Variants in NALCN observed in about 807,000 individuals in gnomAD.
NALCN encodes the protein sodium leak channel NALCN.
NALCN carries 111 observed loss-of-function variants against 225.3 expected under a neutral mutation model. The observed-to-expected ratio is 0.49, with a 90% CI of 0.42 to 0.58. NALCN has a LOEUF of 0.58. Ranked by LOEUF, NALCN falls within the 20% of genes least tolerant of loss-of-function variation. The probability of loss-of-function intolerance (pLI) is 0.00; values close to 1 mark genes in which losing one functional copy is unlikely to be tolerated. For synonymous variants in NALCN, 764 were observed against 769.0 expected (o/e 0.99, Z 0.11); for missense variants, 1,378 against 2,202.4 (o/e 0.63, Z 7.49).
intron 14 of NALCN, 70 bp downstream of exon 14, chr13:101,191,847 C>G: frequency 6.6e-7 from 1 of 1,514,030 alleles, no homozygotes; most frequent in Non-Finnish European, 8.9e-7. Flanking sequence ...TGACAATAGG[C>G]CAAATATCTG....
chr13:101,348,409 T>C (rs780077243), intron 6 of NALCN, among the ~76,000 whole-genome samples: 13 of 152,176 alleles, frequency 8.5e-5, no homozygotes, highest in Non-Finnish European at 1.9e-4. Context: ...CCTACTGTTA[T>C]TGACAGTTTG....
intron 3 of NALCN, among the ~76,000 whole-genome samples, chr13:101,383,403 T>C (rs945220153): frequency 6.6e-6 from 1 of 151,602 alleles, no homozygotes; most frequent in Non-Finnish European, 1.5e-5. Context: ...TGGAGTTACA[T>C]TAGAAAAAAA....
chr13:101,241,355 A>G (rs1047680649), intron 11 of NALCN, among the ~76,000 whole-genome samples: 1 of 152,178 alleles, frequency 6.6e-6, no homozygotes, highest in African/African-American at 2.4e-5. Context: ...TGTTTCTCAG[A>G]TTCTGGACGT....
At chr13:101,153,238 G>A (rs1039072699) in intron 15 of NALCN, among the ~76,000 whole-genome samples, 11 of 152,258 alleles carry the variant, frequency 7.2e-5, no homozygotes, top group African/African-American at 2.6e-4. Context: ...ACGTGTAAGT[G>A]AGATAGCAAT....
At chr13:101,337,152 A>T (rs1357005120) in intron 7 of NALCN, among the ~76,000 whole-genome samples, 1 of 152,138 alleles carries the variant, frequency 6.6e-6, no homozygotes, top group Non-Finnish European at 1.5e-5. Flanking sequence ...ACTAACATAT[A>T]TTATGCACCA....
intron 17 of NALCN, among the ~76,000 whole-genome samples, chr13:101,127,840 T>G (rs1048777356): frequency 6.6e-6 from 1 of 152,246 alleles, no homozygotes; most frequent in Non-Finnish European, 1.5e-5. Flanking sequence ...TATTCCCTTC[T>G]TTTTTCTTAC....
chr13:101,060,273 C>CTTTTT (rs1566768228), intron 41 of NALCN, among the ~76,000 whole-genome samples: 2 of 49,324 alleles, frequency 4.1e-5, no homozygotes, highest in African/African-American at 1.2e-4. Context: ...TTGGTGTTTT[C>CTTTTT]TGTTTTTTTT....
intron 38 of NALCN, 128 bp downstream of exon 38, chr13:101,068,567 C>A: frequency 9.8e-7 from 1 of 1,022,166 alleles, no homozygotes; most frequent in Non-Finnish European, 1.3e-6. Flanking sequence ...GATTGAGAGA[C>A]AACAATTTAT....
chr13:101,385,767 T>C (rs2046970192), intron 3 of NALCN, among the ~76,000 whole-genome samples: 1 of 152,186 alleles, frequency 6.6e-6, no homozygotes. Flanking sequence ...GATCCAAAAA[T>C]TGAGTTTACC....
intron 15 of NALCN, among the ~76,000 whole-genome samples, chr13:101,157,065 T>C (rs1187273821): frequency 2.0e-5 from 3 of 152,192 alleles, no homozygotes; most frequent in Non-Finnish European, 4.4e-5. Flanking sequence ...ATAACATGTA[T>C]ATACTGCACT....
chr13:101,188,226 G>C (rs1454767269), intron 14 of NALCN, among the ~76,000 whole-genome samples: 1 of 152,132 alleles, frequency 6.6e-6, no homozygotes, highest in East Asian at 1.9e-4. Context: ...GACCAAATTA[G>C]CTTCATGTGG....
chr13:101,362,439 A>T (rs2046275415), intron 6 of NALCN, among the ~76,000 whole-genome samples: 1 of 152,168 alleles, frequency 6.6e-6, no homozygotes, highest in African/African-American at 2.4e-5. Flanking sequence ...GGCTTAACAT[A>T]TGGAAATCAA....
chr13:101,130,024 C>T (rs1270939036), intron 17 of NALCN, among the ~76,000 whole-genome samples: 2 of 152,116 alleles, frequency 1.3e-5, no homozygotes, highest in African/African-American at 2.4e-5. Flanking sequence ...CCAGCTTCAT[C>T]CGTGTCCCTG....
chr13:101,115,230 T>C (rs577550740), intron 18 of NALCN, among the ~76,000 whole-genome samples: 1 of 152,146 alleles, frequency 6.6e-6, no homozygotes, highest in South Asian at 2.1e-4. Flanking sequence ...AATAATGGGC[T>C]GCATACCTAC....
chr13:101,366,219 A>G (rs919245736), intron 6 of NALCN, among the ~76,000 whole-genome samples: 2 of 152,180 alleles, frequency 1.3e-5, no homozygotes, highest in Non-Finnish European at 2.9e-5. Flanking sequence ...GTCTCCATTC[A>G]TTAACAGAGA....
chr13:101,056,896 G>C (rs2031334916), intron 43 of NALCN: 1 of 152,192 alleles, frequency 6.6e-6, no homozygotes, highest in Non-Finnish European at 1.5e-5. Context: ...TTATGACCTG[G>C]CACCACCATC....
chr13:101,346,087 C>A (rs9518374), intron 6 of NALCN, among the ~76,000 whole-genome samples: 9,617 of 70,738 alleles, frequency 0.14, 726 homozygotes, highest in East Asian at 0.24. Context: ...CTCTCTCTCT[C>A]TATATATATA....
intron 14 of NALCN, among the ~76,000 whole-genome samples, chr13:101,186,851 T>G (rs9518338): frequency 0.27 from 41,360 of 152,010 alleles, 6,675 homozygotes; most frequent in Non-Finnish European, 0.37. Flanking sequence ...GACTTAAAGG[T>G]GAAAAGCAAA....
At chr13:101,332,446 G>T (rs144211810) in intron 7 of NALCN, among the ~76,000 whole-genome samples, 211 of 146,334 alleles carry the variant, frequency 1.4e-3, no homozygotes, top group African/African-American at 5.2e-3. Flanking sequence ...TCGACTCACG[G>T]TAGGCTTGTT....
Sources: gnomAD v4.1 joint callset for allele counts (sites outside exome capture counted in the v4.1 genomes callset) on GRCh38, gnomAD v4.1.1 for gene constraint, MANE v1.5 for transcripts, NCBI Gene and HGNC (gene_info 2026-07-23, HGNC 2026-07-21) for gene names.